HNRNPC: variants seen among roughly 807,000 people sequenced by gnomAD.
The protein encoded by HNRNPC is heterogeneous nuclear ribonucleoprotein C.
HNRNPC carries 3 observed loss-of-function variants against 33.2 expected under a neutral mutation model. The observed-to-expected ratio is 0.09, with a 90% confidence interval of 0.04 to 0.23. HNRNPC has a LOEUF of 0.23. Ranked by LOEUF, HNRNPC falls within the 10% of genes least tolerant of loss-of-function variation. The pLI is 1.00. For synonymous variants in HNRNPC, 121 were observed against 126.7 expected (o/e 0.96, Z 0.30); for missense variants, 143 against 366.7 (o/e 0.39, Z 4.98).
chr14:21,236,663 A>C (rs1204692160), intron 2 of HNRNPC, among the ~76,000 whole-genome samples: 1 of 152,202 alleles, frequency 6.6e-6, no homozygotes, highest in Non-Finnish European at 1.5e-5. Context: ...GAAATAACCA[A>C]ATGATGTCAA....
chr14:21,226,596 C>T (rs1035781054), intron 5 of HNRNPC, among the ~76,000 whole-genome samples: 1 of 152,118 alleles, frequency 6.6e-6, no homozygotes, highest in Non-Finnish European at 1.5e-5. Context: ...GTGGTTCACA[C>T]ATGTCATCTC....
At chr14:21,262,346 C>G (rs1361766808) in intron 2 of HNRNPC, among the ~76,000 whole-genome samples, 1 of 152,180 alleles carries the variant, frequency 6.6e-6, no homozygotes, top group Non-Finnish European at 1.5e-5. Flanking sequence ...TAAAACAAGC[C>G]ACTTTCATTT....
chr14:21,238,855 A>G (rs1338243711), intron 2 of HNRNPC, among the ~76,000 whole-genome samples: 2 of 152,202 alleles, frequency 1.3e-5, no homozygotes, highest in African/African-American at 4.8e-5. Context: ...GGCTGGGTGC[A>G]GTGGCTCACA....
chr14:21,225,817 T>C (rs1594229486), intron 5 of HNRNPC, among the ~76,000 whole-genome samples: 1 of 152,268 alleles, frequency 6.6e-6, no homozygotes, highest in East Asian at 1.9e-4. Flanking sequence ...TTCTGCAATA[T>C]CACCATTATC....
chr14:21,241,346 A>G (rs1016537549), intron 2 of HNRNPC, among the ~76,000 whole-genome samples: 1 of 152,024 alleles, frequency 6.6e-6, no homozygotes, highest in Non-Finnish European at 1.5e-5. Context: ...CCAATTCTAT[A>G]TACTAAATAT....
At chr14:21,255,971 T>C (rs1269994804) in intron 2 of HNRNPC, among the ~76,000 whole-genome samples, 1 of 152,130 alleles carries the variant, frequency 6.6e-6, no homozygotes, top group Non-Finnish European at 1.5e-5. Flanking sequence ...GGAAAAGCCC[T>C]AAAGTGGAAA....
In HNRNPC at chr14:21,255,471, G is replaced by A. The variant is rs146069075; in HGVS notation, c.-37+7840C>T. The stretch of plus-strand genomic sequence containing the variant: ...TCCCAAATGTTGATACAGGCAACAC[G>A]GTAGTCTATGTGCTCAAATGCTAAC... On this transcript the variant is annotated intron_variant, in intron 2 of 8. Transcript: ENST00000553300. 8.3e-3 allele frequency among the ~76,000 whole-genome samples: 1,265 copies of A among 152,248 alleles called. 20 individuals are homozygous for A. Among genetic ancestry groups the A allele is most frequent in the African/African-American group, 0.029 (1,206 of 41,544 alleles).
rs150019632 is a variant in HNRNPC, at chr14:21,225,613, T to C, written c.365+4706A>G. Among the ~76,000 whole-genome samples the C allele has an allele frequency of 8.6e-3, 1,314 of 152,204 alleles. 32 individuals carry two copies. The highest frequency in any genetic ancestry group is 0.029 in the African/African-American group (1,196 of 41,474). On this transcript the variant is annotated intron_variant, in intron 5 of 8. Transcript: ENST00000553300. Reference sequence around the variant, plus strand: ...TGAGGCTGGTAGCACCAGACGGGTTTCATCTATGTCTCTAACTGGCAAGTA... The same window carrying C: ...TGAGGCTGGTAGCACCAGACGGGTTCCATCTATGTCTCTAACTGGCAAGTA...
chr14:21,244,573 T>C (rs965228394), intron 2 of HNRNPC, among the ~76,000 whole-genome samples: 6 of 152,236 alleles, frequency 3.9e-5, no homozygotes, highest in African/African-American at 1.4e-4. Flanking sequence ...GTTGACTCTT[T>C]AATTCTTCCC....
chr14:21,249,288 G>C (rs1032075729), intron 2 of HNRNPC, among the ~76,000 whole-genome samples: 11 of 151,928 alleles, frequency 7.2e-5, no homozygotes, highest in African/African-American at 2.7e-4. Context: ...TCAAGGAATT[G>C]GGGCTGGGCG....
rs190086240 is a variant in HNRNPC, at chr14:21,212,558, T to C, written c.523+402A>G. On this transcript the variant is annotated intron_variant, in intron 6 of 8. Transcript: ENST00000553300. ...CTGTTATTTTGGATTTTTTTTTTTT[T>C]CTTGAGATGGAGTTTTGCTCGTCAC... Among the ~76,000 whole-genome samples, 352 of 152,136 alleles carry C rather than the reference T, an allele frequency of 2.3e-3. 2 individuals carry two copies. Among genetic ancestry groups the C allele is most frequent in the African/African-American group, 7.6e-3 (314 of 41,494 alleles).
chr14:21,222,588 T>C (rs763333061), intron 5 of HNRNPC, among the ~76,000 whole-genome samples: 7 of 152,090 alleles, frequency 4.6e-5, no homozygotes, highest in Non-Finnish European at 1.0e-4. Flanking sequence ...GTTTTTCTGG[T>C]ACATCTTTAA....
intron 6 of HNRNPC, among the ~76,000 whole-genome samples, chr14:21,212,388 A>G (rs987833640): frequency 6.6e-6 from 1 of 152,184 alleles, no homozygotes; most frequent in Non-Finnish European, 1.5e-5. Context: ...CATACTGAAC[A>G]CTGTCTGAAT....
intron 5 of HNRNPC, among the ~76,000 whole-genome samples, chr14:21,229,285 G>A (rs1211687894): frequency 1.3e-5 from 2 of 150,844 alleles, no homozygotes; most frequent in Non-Finnish European, 3.0e-5. Context: ...AGCTACTCAG[G>A]AGGCTGTGCC....
intron 1 of HNRNPC, among the ~76,000 whole-genome samples, chr14:21,268,933 G>C (rs764897978): frequency 2.0e-5 from 3 of 151,966 alleles, no homozygotes; most frequent in Non-Finnish European, 2.9e-5. Context: ...TAAGAAGAAC[G>C]GAGGTAATAG....
chr14:21,254,718 C>G (rs1421277547), intron 2 of HNRNPC: 1 of 150,752 alleles, frequency 6.6e-6, no homozygotes, highest in Non-Finnish European at 1.5e-5. Flanking sequence ...CCAGCCTGGC[C>G]AGCATGGTGA....
At chr14:21,265,092 A>G (rs1878758195) in intron 1 of HNRNPC, 1 of 152,210 alleles carries the variant, frequency 6.6e-6, no homozygotes, top group African/African-American at 2.4e-5. Flanking sequence ...AGCAACAAGT[A>G]CCATACATTT....
At chr14:21,264,169 T>C (rs186821133) in intron 1 of HNRNPC, 77 of 152,244 alleles carry the variant, frequency 5.1e-4, no homozygotes, top group African/African-American at 1.7e-3. Context: ...AGTGAGCAAA[T>C]GTCAAATACT....
intron 1 of HNRNPC, among the ~76,000 whole-genome samples, chr14:21,266,095 A>G (rs1039166380): frequency 6.6e-6 from 1 of 152,168 alleles, no homozygotes; most frequent in African/African-American, 2.4e-5. Flanking sequence ...TCTATTCCCC[A>G]GTTTAGAATC....
Sources: gnomAD v4.1 joint callset for allele counts (sites outside exome capture counted in the v4.1 genomes callset) on GRCh38, gnomAD v4.1.1 for gene constraint, MANE v1.5 for transcripts, NCBI Gene and HGNC (gene_info 2026-07-23, HGNC 2026-07-21) for gene names.